Variants in IBTK observed in about 807,000 individuals in gnomAD.
IBTK encodes BTK-binding protein.
Under a neutral mutation model 154.9 loss-of-function variants are expected in IBTK, and 83 were observed. The observed-to-expected ratio is 0.54, with a 90% CI of 0.45 to 0.64. The LOEUF (loss-of-function observed/expected upper bound fraction) is 0.64. Among genes scored for constraint, IBTK ranks in the 30% least tolerant of loss-of-function variants. The pLI, the probability that IBTK is intolerant of heterozygous loss-of-function variation, is 0.00. For synonymous variants in IBTK, 515 were observed against 536.1 expected (o/e 0.96, Z 0.54); for missense variants, 1,332 against 1,584.6 (o/e 0.84, Z 2.71).
At chr6:82,227,018 A>T (rs1318081156) in intron 5 of IBTK, 174 bp downstream of exon 5, 6 of 516,662 alleles carry the variant, frequency 1.2e-5, no homozygotes, top group African/African-American at 2.0e-5. Flanking sequence ...TTTGCATTGT[A>T]TGTAAATCCT....
At chr6:82,199,499 A>G (rs182158948) in intron 21 of IBTK, among the ~76,000 whole-genome samples, 31 of 152,300 alleles carry the variant, frequency 2.0e-4, no homozygotes, top group African/African-American at 7.2e-4. Context: ...GCCTAAATAC[A>G]TTTTATATTC....
chr6:82,214,545 T>G lies in IBTK; in HGVS notation c.1886A>C (p.Glu629Ala). Reference sequence around the variant, plus strand: ...TGTGTATATAAATTGTAAAAGGTATTCAAACATGTCAGGATGAACCTTCTC... The same window carrying G: ...TGTGTATATAAATTGTAAAAGGTATGCAAACATGTCAGGATGAACCTTCTC... ...VVEKVHPDMF[E>A]YLLQFIYTDT... Residue 629 changes from glutamate to alanine, a missense_variant, in exon 12 of 29, where the codon GAA (glutamate) becomes GCA (alanine). Transcript: ENST00000306270. 6.2e-7 allele frequency: 1 copy of G among 1,614,038 alleles called. No individual in the cohort carries two copies. The highest frequency in any genetic ancestry group is 8.5e-7 in the Non-Finnish European group (1 of 1,179,962).
At chr6:82,196,708 G>A (rs1213270454) in intron 21 of IBTK, among the ~76,000 whole-genome samples, 1 of 152,176 alleles carries the variant, frequency 6.6e-6, no homozygotes, top group Non-Finnish European at 1.5e-5. Flanking sequence ...ACCTGAGGAA[G>A]ATAGTTCTTT....
intron 24 of IBTK, 184 bp downstream of exon 24, chr6:82,191,603 C>T (rs1222083281): frequency 1.5e-6 from 1 of 670,410 alleles, no homozygotes; most frequent in Admixed American, 2.2e-5. Context: ...GGATTATCAA[C>T]TCAACTCTAT....
At position 82,227,232 on chromosome 6, in the gene IBTK, G is replaced by A; in HGVS notation, c.614C>T (p.Pro205Leu). 6.2e-7 allele frequency: 1 copy of A among 1,612,762 alleles called. No individual in the cohort carries two copies. Among genetic ancestry groups the A allele is most frequent in the Non-Finnish European group, 8.5e-7 (1 of 1,179,302 alleles). ...ATCTCCATGTCCTAATCGCCCTCCA[G>A]GACCATGACCACAGGTATAAACCTG... ...KGQVYTCGHG[P>L]GGRLGHGDEQ... The change falls in exon 5 of 29, where the codon CCT becomes CTT. Residue 205 changes from proline to leucine, a missense_variant. Pro to Leu is a moderately conservative substitution (Grantham distance 98). Coordinates refer to ENST00000306270, the MANE Select transcript of IBTK (RefSeq NM_015525.4).
intron 25 of IBTK, among the ~76,000 whole-genome samples, chr6:82,183,574 T>C (rs1354703817): frequency 2.0e-5 from 3 of 152,168 alleles, no homozygotes; most frequent in African/African-American, 7.2e-5. Context: ...ATTTTAAAAA[T>C]TGAATTAATC....
chr6:82,214,705 G>T lies in IBTK; in HGVS notation c.1726C>A (p.Pro576Thr). 1 of 1,613,994 alleles carries T rather than the reference G, an allele frequency of 6.2e-7. No individual in the cohort carries two copies. The highest frequency in any genetic ancestry group is 1.1e-5 in the South Asian group (1 of 91,064). The change falls in exon 12 of 29, where the codon CCT (proline) becomes ACT (threonine). Residue 576 changes from proline to threonine, a missense_variant. Physicochemically the swap from Pro to Thr is conservative, Grantham distance 38. Around this residue, in one of 3 missense-constraint regions of IBTK, gnomAD observed 1,134 missense variants for 1,274.7 expected, o/e 0.89. Coordinates refer to ENST00000306270, the MANE Select transcript of IBTK (RefSeq NM_015525.4). ...VTFQVGNRLF[P>T]AHKYILAVHS... Reference sequence around the variant, plus strand: ...ACTGCCAAAATATATTTATGTGCAGGGAAGAGTCTATTGCCAACTTGAAAT... The same window carrying T: ...ACTGCCAAAATATATTTATGTGCAGTGAAGAGTCTATTGCCAACTTGAAAT...
intron 17 of IBTK, among the ~76,000 whole-genome samples, chr6:82,204,459 T>C (rs1035881632): frequency 1.3e-5 from 2 of 152,072 alleles, no homozygotes; most frequent in African/African-American, 4.8e-5. Flanking sequence ...AGATATATAA[T>C]GGGAAAGTTA....
rs1038729833 is a variant in IBTK, at chr6:82,240,689, C to T, written c.-203G>A. 20 of 519,642 alleles carry T rather than the reference C, an allele frequency of 3.8e-5. No homozygotes were observed. The highest frequency in any genetic ancestry group is 5.7e-5 in the Non-Finnish European group (17 of 298,054). 32.2% of individuals were successfully genotyped at this position (519,642 alleles called of 1,614,324 possible). The stretch of plus-strand genomic sequence containing the variant: ...CTTAAATCAAAAAAATTATAAATAG[C>T]TCTATAAAGTTCATATCAAATACAA... On this transcript the variant is annotated 5_prime_UTR_variant, in exon 2 of 29. Coordinates refer to ENST00000306270, the MANE Select transcript of IBTK (RefSeq NM_015525.4).
intron 23 of IBTK, among the ~76,000 whole-genome samples, chr6:82,193,074 G>T (rs1002368870): frequency 1.3e-5 from 2 of 148,982 alleles, no homozygotes; most frequent in South Asian, 4.2e-4. Flanking sequence ...CTCCAGCCTG[G>T]GCAACAGAGC....
intron 16 of IBTK, among the ~76,000 whole-genome samples, chr6:82,209,712 C>T: frequency 6.6e-6 from 1 of 152,126 alleles, no homozygotes; most frequent in Non-Finnish European, 1.5e-5. Flanking sequence ...TAAGTTTTAT[C>T]ATGCAAATAA....
At chr6:82,186,334 C>T (rs191104559) in intron 25 of IBTK, among the ~76,000 whole-genome samples, 2 of 152,232 alleles carry the variant, frequency 1.3e-5, no homozygotes, top group African/African-American at 2.4e-5. Context: ...AGCTTAGTGA[C>T]GAAAGCACCA....
intron 25 of IBTK, chr6:82,189,005 GAAC>G (rs1027936261): frequency 4.5e-6 from 2 of 442,730 alleles, no homozygotes; most frequent in African/African-American, 4.1e-5. Context: ...ACTCAAACCT[GAAC>G]AACAGGGTGA....
chr6:82,247,333 G>C (rs934384960), intron 1 of IBTK, among the ~76,000 whole-genome samples: 1 of 152,238 alleles, frequency 6.6e-6, no homozygotes, highest in African/African-American at 2.4e-5. Flanking sequence ...CGCCGGGACA[G>C]GCCATTCATT....
At chr6:82,184,803 CAT>C (rs141582473) in intron 25 of IBTK, among the ~76,000 whole-genome samples, 6 of 152,226 alleles carry the variant, frequency 3.9e-5, no homozygotes, top group Non-Finnish European at 8.8e-5. Flanking sequence ...TTAATGTAAA[CAT>C]ATTTTTAAAA....
rs535565214 is a variant in IBTK at position 82,240,649 on chromosome 6, T to C, written c.-163A>G. ...AATAGTATAAAACTATATATCTTTA[T>C]ACAATTTTTTGGCACTTAAATCAAA... On this transcript the variant is annotated 5_prime_UTR_variant, in exon 2 of 29. Transcript: ENST00000306270. 5.5e-6 allele frequency: 3 copies of C among 549,880 alleles called. No individual in the cohort carries two copies. The highest frequency in any genetic ancestry group is 4.3e-4 in the Middle Eastern group (1 of 2,340). 34.1% of individuals were successfully genotyped at this position (549,880 alleles called of 1,614,324 possible). A position where few individuals can be genotyped will look rare whatever the true frequency, so the allele number is the denominator to read the frequency against.
chr6:82,213,042 T>G (rs1490455401), intron 12 of IBTK, among the ~76,000 whole-genome samples: 1 of 152,096 alleles, frequency 6.6e-6, no homozygotes, highest in Non-Finnish European at 1.5e-5. Context: ...CCTTTTTTTT[T>G]TTTGAGACGA....
At position 82,171,275 on chromosome 6, in the gene IBTK, C is replaced by T; in HGVS notation, c.*150G>A. 1 of 514,322 alleles carries T rather than the reference C, an allele frequency of 1.9e-6. No homozygotes were observed. The highest frequency in any genetic ancestry group is 5.7e-4 in the Middle Eastern group (1 of 1,742). 31.9% of individuals were successfully genotyped at this position (514,322 alleles called of 1,614,324 possible). ...AGAAATTTATTTTTAATCATACAAA[C>T]ATTATATGATTTAACTGCAGTAAAG... On this transcript the variant is annotated 3_prime_UTR_variant, in exon 29 of 29. Transcript: ENST00000306270.
At chr6:82,223,080 T>C (rs1770157990) in intron 8 of IBTK, among the ~76,000 whole-genome samples, 2 of 152,118 alleles carry the variant, frequency 1.3e-5, no homozygotes, top group East Asian at 1.9e-4. Context: ...TAAATAAATG[T>C]ATAATGTAAA....
Sources: allele counts gnomAD v4.1 joint callset (sites outside exome capture counted in the v4.1 genomes callset), GRCh38; gene constraint gnomAD v4.1.1; regional missense constraint gnomAD v4.1.1; transcripts MANE v1.5; gene names NCBI Gene and HGNC (gene_info 2026-07-23, HGNC 2026-07-21).